The following CADPS variants were observed in gnomAD, a reference collection of about 807,000 sequenced individuals.
The protein encoded by CADPS is calcium-dependent secretion activator 1.
A neutral mutation model predicts 167.3 loss-of-function variants in CADPS; 57 were observed. The observed-to-expected ratio is 0.34, with a 90% confidence interval of 0.28 to 0.42. CADPS has a LOEUF of 0.42. Ranked by LOEUF, CADPS falls within the 20% of genes least tolerant of loss-of-function variation. The pLI is 1.00. For synonymous variants in CADPS, 676 were observed against 635.3 expected, an observed-to-expected ratio of 1.06 and a Z score of -0.96; for missense variants, 1,414 against 1,738.1, an observed-to-expected ratio of 0.81 and a Z score of 3.32.
chr3:62,515,580 A>G (rs2068777601), intron 16 of CADPS, among the ~76,000 whole-genome samples: 1 of 152,096 alleles, frequency 6.6e-6, no homozygotes, highest in Non-Finnish European at 1.5e-5. Context: ...TCGAGCTTGA[A>G]GCACTACCAA....
At chr3:62,737,566 A>G (rs1340333462) in intron 3 of CADPS, among the ~76,000 whole-genome samples, 5 of 152,156 alleles carry the variant, frequency 3.3e-5, no homozygotes, top group Non-Finnish European at 7.4e-5. Flanking sequence ...GGCAAATCAG[A>G]TCTGTCAGTC....
intron 3 of CADPS, among the ~76,000 whole-genome samples, chr3:62,723,703 G>A (rs1027593191): frequency 6.6e-6 from 1 of 152,242 alleles, no homozygotes; most frequent in Non-Finnish European, 1.5e-5. Flanking sequence ...GAGCCGCTCA[G>A]GAGATGAAGT....
At chr3:62,436,146 G>C (rs185835115) in intron 28 of CADPS, among the ~76,000 whole-genome samples, 1 of 152,010 alleles carries the variant, frequency 6.6e-6, no homozygotes, top group African/African-American at 2.4e-5. Context: ...GCCTTGCTGC[G>C]TTCAGCAAGG....
chr3:62,523,632 T>A (rs1047201496), intron 13 of CADPS, among the ~76,000 whole-genome samples: 1 of 152,222 alleles, frequency 6.6e-6, no homozygotes, highest in Admixed American at 6.5e-5. Context: ...TATGTTCTGA[T>A]ATTGCATCTA....
chr3:62,874,332 C>A lies in CADPS; in HGVS notation c.441+257G>T, dbSNP rs898711581. ...TGCCTCGCTCACCAACGCTCCCGGGCTGGGGGGGCTCGAGCAAGCGGCGCT... is the reference window on the plus strand; with the variant it reads ...TGCCTCGCTCACCAACGCTCCCGGGATGGGGGGGCTCGAGCAAGCGGCGCT... On this transcript the variant is annotated intron_variant, in intron 1 of 29. Transcript: ENST00000383710. This position sits in a 1 kb window ranked among gnomAD's most constrained non-coding sequence, Gnocchi z 7.1. Among the ~76,000 whole-genome samples, 1 of 152,188 alleles carries A rather than the reference C, an allele frequency of 6.6e-6. No individual in the cohort carries two copies. Among genetic ancestry groups the A allele is most frequent in the African/African-American group, 2.4e-5 (1 of 41,466 alleles).
At chr3:62,853,704 T>C (rs2079088250) in intron 1 of CADPS, among the ~76,000 whole-genome samples, 1 of 151,312 alleles carries the variant, frequency 6.6e-6, no homozygotes, top group South Asian at 2.1e-4. Context: ...CTCACGCCTA[T>C]AATCCCAGCC....
chr3:62,433,213 A>G lies in CADPS; in HGVS notation c.3777+4891T>C, dbSNP rs1201066307. On this transcript the variant is annotated intron_variant, in intron 28 of 29. Coordinates refer to ENST00000383710, the MANE Select transcript of CADPS (RefSeq NM_003716.4). The surrounding 1 kb of genome is among the most constrained non-coding windows in gnomAD (Gnocchi z 4.7). ...GTGGTTTCATATATAAATATAGCAA[A>G]TATATTTTAACAGGCAAAGGTTTCA... Among the ~76,000 whole-genome samples, 1 of 152,190 alleles carries G rather than the reference A, an allele frequency of 6.6e-6. No homozygotes were observed. The highest frequency in any genetic ancestry group is 1.5e-5 in the Non-Finnish European group (1 of 68,042).
chr3:62,576,479 G>A (rs2082283781), intron 8 of CADPS, among the ~76,000 whole-genome samples: 1 of 151,950 alleles, frequency 6.6e-6, no homozygotes, highest in Non-Finnish European at 1.5e-5. Context: ...TTGTTGTTAT[G>A]TGTGCTACTA....
intron 6 of CADPS, among the ~76,000 whole-genome samples, chr3:62,637,494 T>G (rs75448933): frequency 2.0e-5 from 3 of 152,314 alleles, no homozygotes; most frequent in African/African-American, 7.2e-5. Flanking sequence ...ACAGTGCTGA[T>G]GTATGTGGGT....
chr3:62,705,574 G>A (rs1183018787), intron 3 of CADPS, among the ~76,000 whole-genome samples: 1 of 152,134 alleles, frequency 6.6e-6, no homozygotes, highest in Non-Finnish European at 1.5e-5. Context: ...AGCTGCCAGT[G>A]CAGCCAGAAT....
At chr3:62,513,097 T>C (rs961666549) in intron 16 of CADPS, among the ~76,000 whole-genome samples, 1 of 151,940 alleles carries the variant, frequency 6.6e-6, no homozygotes, top group South Asian at 2.1e-4. Context: ...CAAGTCAAAA[T>C]CTCTAGAGGG....
intron 1 of CADPS, among the ~76,000 whole-genome samples, chr3:62,818,159 G>A (rs2094717182): frequency 6.6e-6 from 1 of 152,068 alleles, no homozygotes; most frequent in African/African-American, 2.4e-5. Context: ...GTCTTTGGAT[G>A]GGGAAATTTC....
At chr3:62,640,012 T>C (rs1179056851) in intron 6 of CADPS, among the ~76,000 whole-genome samples, 1 of 152,194 alleles carries the variant, frequency 6.6e-6, no homozygotes, top group East Asian at 1.9e-4. Flanking sequence ...ATTTGTTCAT[T>C]TGTTTATTGC....
At chr3:62,830,183 G>C (rs1029076706) in intron 1 of CADPS, among the ~76,000 whole-genome samples, 1 of 152,104 alleles carries the variant, frequency 6.6e-6, no homozygotes, top group African/African-American at 2.4e-5. Context: ...GAGGTCTGGC[G>C]CCTAGTGGAT....
chr3:62,574,958 C>A (rs1277997666), intron 8 of CADPS, among the ~76,000 whole-genome samples: 1 of 152,102 alleles, frequency 6.6e-6, no homozygotes, highest in African/African-American at 2.4e-5. Context: ...GACTTAGGTA[C>A]AAAGGGAAGT....
At chr3:62,747,020 A>G (rs371830060) in intron 3 of CADPS, among the ~76,000 whole-genome samples, 2 of 152,218 alleles carry the variant, frequency 1.3e-5, no homozygotes, top group African/African-American at 4.8e-5. Flanking sequence ...GTGTGTAGTG[A>G]ACAAAGAGGA....
At chr3:62,575,525 A>C (rs889938041) in intron 8 of CADPS, among the ~76,000 whole-genome samples, 5 of 152,244 alleles carry the variant, frequency 3.3e-5, no homozygotes, top group African/African-American at 1.2e-4. Context: ...AACAATAGCT[A>C]GCTTAAAGTA....
At chr3:62,552,018 G>A (rs1407364756) in intron 10 of CADPS, among the ~76,000 whole-genome samples, 1 of 152,072 alleles carries the variant, frequency 6.6e-6, no homozygotes, top group Non-Finnish European at 1.5e-5. Flanking sequence ...GCTTACTGCT[G>A]TATCCCTGGA....
chr3:62,632,701 C>T (rs529930005), intron 6 of CADPS, among the ~76,000 whole-genome samples: 3 of 152,144 alleles, frequency 2.0e-5, no homozygotes, highest in East Asian at 1.9e-4. Flanking sequence ...GCAGCAAGCA[C>T]GACCACAAGC....
Sources: allele counts gnomAD v4.1 joint callset (sites outside exome capture counted in the v4.1 genomes callset), GRCh38; gene constraint gnomAD v4.1.1; non-coding constraint Gnocchi (gnomAD v3.1); transcripts MANE v1.5; gene names NCBI Gene and HGNC (gene_info 2026-07-23, HGNC 2026-07-21).